MYOM1: variants seen among roughly 807,000 people sequenced by gnomAD.
The protein encoded by MYOM1 is myomesin-1.
Under a neutral mutation model 205.3 loss-of-function variants are expected in MYOM1, and 164 were observed. That is an observed-to-expected ratio of 0.80 (90% CI 0.70 to 0.91). MYOM1 has a LOEUF of 0.91. MYOM1 is among the 40% of genes least tolerant of loss of function. The pLI is 0.00. For synonymous variants in MYOM1, 772 were observed against 789.4 expected, an observed-to-expected ratio of 0.98 and a Z score of 0.37; for missense variants, 2,011 against 2,127.3, an observed-to-expected ratio of 0.95 and a Z score of 1.08.
Position 3,100,150 on chromosome 18 carries a change from G to T in MYOM1, c.3727+9C>A. The T allele has an allele frequency of 6.2e-7, 1 of 1,613,674 alleles. No individual in the cohort carries two copies. Among genetic ancestry groups the T allele is most frequent in the South Asian group, 1.1e-5 (1 of 91,066 alleles). On this transcript the variant is annotated intron_variant, in intron 25 of 37. Transcript: ENST00000356443. ...GCTAAAAACCTGTGAATGTATTGTGGATACTTACTTGGGAACTTGTGTTCA... is the reference window on the plus strand; with the variant it reads ...GCTAAAAACCTGTGAATGTATTGTGTATACTTACTTGGGAACTTGTGTTCA...
the MYOM1 span, among the ~76,000 whole-genome samples, chr18:3,240,290 A>G: frequency 0.14 from 20,828 of 152,222 alleles, 1,634 homozygotes; most frequent in East Asian, 0.33. Flanking sequence ...TATCAGAGCC[A>G]GTGATATGGT....
chr18:3,198,285 C>T (rs1314770551), intron 2 of MYOM1, among the ~76,000 whole-genome samples: 3 of 152,192 alleles, frequency 2.0e-5, no homozygotes, highest in Non-Finnish European at 4.4e-5. Flanking sequence ...AAAGGATGAA[C>T]TGTGGGCATT....
chr18:3,176,787 C>T (rs2080646942), intron 5 of MYOM1, among the ~76,000 whole-genome samples: 1 of 151,934 alleles, frequency 6.6e-6, no homozygotes, highest in Admixed American at 6.6e-5. Flanking sequence ...GAGGCTCAGG[C>T]ACAAGAATTG....
intron 26 of MYOM1, chr18:3,093,640 C>T (rs966074673): frequency 1.3e-5 from 2 of 152,194 alleles, no homozygotes; most frequent in African/African-American, 2.4e-5. Context: ...CCACCACCAC[C>T]ACCAAATTAA....
At chr18:3,085,553 G>C (rs2082968717) in intron 30 of MYOM1, among the ~76,000 whole-genome samples, 1 of 152,096 alleles carries the variant, frequency 6.6e-6, no homozygotes, top group Non-Finnish European at 1.5e-5. Flanking sequence ...CGAGCTAGCA[G>C]TCCTGACTTT....
chr18:3,116,285 G>C, intron 21 of MYOM1, 46 bp downstream of exon 21: 5 of 1,567,630 alleles, frequency 3.2e-6, no homozygotes, highest in Non-Finnish European at 4.4e-6. Flanking sequence ...GTTCGTATTA[G>C]TAGAGCAGTT....
upstream of MYOM1, among the ~76,000 whole-genome samples, chr18:3,222,961 A>T (rs1016916757): frequency 2.6e-5 from 4 of 152,034 alleles, no homozygotes; most frequent in Admixed American, 6.6e-5. Context: ...GGCTCACTGC[A>T]ACCTCGACCT....
At chr18:3,243,191 T>C in the MYOM1 span, among the ~76,000 whole-genome samples, 40 of 152,334 alleles carry the variant, frequency 2.6e-4, no homozygotes, top group South Asian at 8.1e-3. Context: ...CAGATTTATG[T>C]AAACGCTTAT....
chr18:3,216,202 G>C (rs1032981122), intron 1 of MYOM1, among the ~76,000 whole-genome samples: 12 of 152,230 alleles, frequency 7.9e-5, no homozygotes, highest in Non-Finnish European at 1.8e-4. Context: ...CAGAGGCGGA[G>C]TTTGCAGTGA....
intron 16 of MYOM1, among the ~76,000 whole-genome samples, chr18:3,134,372 T>C (rs1335708876): frequency 6.6e-6 from 1 of 151,778 alleles, no homozygotes; most frequent in Non-Finnish European, 1.5e-5. Context: ...GGCCTGCCAC[T>C]GCCTTGGCTT....
At chr18:3,207,465 C>A (rs2081137827) in intron 2 of MYOM1, among the ~76,000 whole-genome samples, 2 of 152,166 alleles carry the variant, frequency 1.3e-5, no homozygotes, top group Admixed American at 1.3e-4. Context: ...CAAAGCAGGT[C>A]TTATTAACTT....
intron 18 of MYOM1, among the ~76,000 whole-genome samples, 196 bp downstream of exon 18, chr18:3,129,036 T>C (rs2079835778): frequency 1.3e-5 from 2 of 152,234 alleles, no homozygotes; most frequent in African/African-American, 4.8e-5. Context: ...AAATGATGTG[T>C]ACAAGCCAAA....
intron 2 of MYOM1, among the ~76,000 whole-genome samples, chr18:3,199,137 T>C (rs149703745): frequency 2.0e-5 from 3 of 152,180 alleles, no homozygotes; most frequent in African/African-American, 4.8e-5. Flanking sequence ...GCTTAGTCCA[T>C]AAGGTAGTTC....
rs769421112 is a variant in MYOM1 at position 3,135,514 on chromosome 18, C to T, written c.2209+33G>A. The T allele has an allele frequency of 1.3e-6, 2 of 1,593,316 alleles. No homozygotes were observed. Among genetic ancestry groups the T allele is most frequent in the South Asian group, 2.3e-5 (2 of 88,530 alleles). On this transcript the variant is annotated intron_variant, in intron 15 of 37. Coordinates refer to ENST00000356443, the MANE Select transcript of MYOM1 (RefSeq NM_003803.4). The surrounding 1 kb of genome is among the most constrained non-coding windows in gnomAD (Gnocchi z 4.1). Reference sequence around the variant, plus strand: ...TACTAGATCCTTGCTTTGAAATTTTCTCTTGAAGTAAAAGAAGTTTACAGT... The same window carrying T: ...TACTAGATCCTTGCTTTGAAATTTTTTCTTGAAGTAAAAGAAGTTTACAGT...
At chr18:3,240,661 G>A in the MYOM1 span, among the ~76,000 whole-genome samples, 8 of 152,170 alleles carry the variant, frequency 5.3e-5, no homozygotes, top group South Asian at 2.1e-4. Context: ...TAGAGTGGGC[G>A]CTGCTGAAAA....
chr18:3,157,172 T>C (rs1383115570), intron 10 of MYOM1, among the ~76,000 whole-genome samples: 3 of 152,174 alleles, frequency 2.0e-5, no homozygotes, highest in Non-Finnish European at 4.4e-5. Flanking sequence ...TGGGCATCCA[T>C]GGCATAGATG....
At chr18:3,076,017 C>T (rs55782641) in intron 34 of MYOM1, among the ~76,000 whole-genome samples, 5 of 152,130 alleles carry the variant, frequency 3.3e-5, no homozygotes, top group South Asian at 4.1e-4. Context: ...GCCCCTCAAA[C>T]GGAAAGGCAA....
intron 10 of MYOM1, among the ~76,000 whole-genome samples, chr18:3,159,208 T>G (rs1598732461): frequency 1.3e-5 from 2 of 152,338 alleles, no homozygotes; most frequent in African/African-American, 4.8e-5. Flanking sequence ...TAAATTTATA[T>G]TATCTATTTT....
chr18:3,133,092 C>G (rs181040866), intron 16 of MYOM1, among the ~76,000 whole-genome samples: 4 of 151,954 alleles, frequency 2.6e-5, no homozygotes, highest in Non-Finnish European at 5.9e-5. Flanking sequence ...AAAAATGGTG[C>G]CTGCCCTCTA....
Sources: allele counts gnomAD v4.1 joint callset (sites outside exome capture counted in the v4.1 genomes callset), GRCh38; gene constraint gnomAD v4.1.1; non-coding constraint Gnocchi (gnomAD v3.1); transcripts MANE v1.5; gene names NCBI Gene and HGNC (gene_info 2026-07-23, HGNC 2026-07-21).